The following NRG2 variants were observed in gnomAD, a reference collection of about 807,000 sequenced individuals.
The protein encoded by NRG2 is neuregulin 2.
In NRG2, 27 loss-of-function variants were observed where a neutral mutation model predicts 73.9. The ratio of observed to expected loss-of-function variants is 0.37; its 90% confidence interval spans 0.27 to 0.50. NRG2 has a LOEUF of 0.50. Ranked by LOEUF, NRG2 falls within the 20% of genes least tolerant of loss-of-function variation. The probability of loss-of-function intolerance (pLI) is 0.96; values close to 1 mark genes in which losing one functional copy is unlikely to be tolerated. For missense variants in NRG2, 1,126 were observed against 1,210.1 expected, an observed-to-expected ratio of 0.93 and a Z score of 1.03; for synonymous variants, 532 against 541.0, an observed-to-expected ratio of 0.98 and a Z score of 0.23.
In NRG2 at chr5:139,846,913, TTGACAAATTAGCAGTGGACCCAG is replaced by T. The variant is rs1171043172; in HGVS notation, c.*981_*1003del. The stretch of plus-strand genomic sequence containing the variant: ...TTTTTTTTTTTAAACAATTACCTTT[TTGACAAATTAGCAGTGGACCCAG>T]TTTTTGGGGGTGGGAGGGCAGGACT... On this transcript the variant is annotated 3_prime_UTR_variant, in exon 10 of 10. Coordinates refer to ENST00000361474, the MANE Select transcript of NRG2 (RefSeq NM_004883.3). 6.6e-6 allele frequency: 1 copy of T among 152,110 alleles called. No individual in the cohort carries two copies. Among genetic ancestry groups the T allele is most frequent in the African/African-American group, 2.4e-5 (1 of 41,410 alleles). The allele number at this position is 152,110 out of a possible 1,614,324, so 9.4% of individuals were successfully genotyped here.
intron 1 of NRG2, among the ~76,000 whole-genome samples, chr5:139,981,353 C>A (rs1311061111): frequency 6.6e-6 from 1 of 152,220 alleles, no homozygotes; most frequent in Non-Finnish European, 1.5e-5. Context: ...AGCCCACTCA[C>A]CCCACATGGC....
In NRG2 at chr5:140,042,917, G is replaced by A; in HGVS notation, c.153C>T (p.Ser51=). ...SESGSSSRSS[S]NNSSISRPAA... is the part of the protein sequence containing the mutation. The stretch of plus-strand genomic sequence containing the variant: ...CGGGACGAGAGATGCTGCTGTTGTT[G>A]CTGCTGCTCCTGCTGCTGCTGCCGC... Residue 51 remains serine, a synonymous_variant, in exon 1 of 10, where the codon AGC becomes AGT. Coordinates refer to ENST00000361474, the MANE Select transcript of NRG2 (RefSeq NM_004883.3). 1 of 1,539,280 alleles carries A rather than the reference G, an allele frequency of 6.5e-7. No homozygotes were observed.
At chr5:139,882,781 C>T (rs895397436) in intron 2 of NRG2, among the ~76,000 whole-genome samples, 2 of 152,078 alleles carry the variant, frequency 1.3e-5, no homozygotes, top group Non-Finnish European at 2.9e-5. Flanking sequence ...AGAGGCGCTT[C>T]CCTTATACAG....
intron 1 of NRG2, among the ~76,000 whole-genome samples, chr5:139,921,127 T>G (rs1014028713): frequency 3.9e-5 from 6 of 152,228 alleles, no homozygotes; most frequent in Admixed American, 6.5e-5. Flanking sequence ...ATATTCCATG[T>G]TCATAGACGC....
At position 139,954,388 on chromosome 5, in the gene NRG2, G is replaced by A. The variant is rs71581520; in HGVS notation, c.701-66877C>T. Among the ~76,000 whole-genome samples the A allele has an allele frequency of 0.14, 20,602 of 152,072 alleles. 1,497 individuals are homozygous for A. Among genetic ancestry groups the A allele is most frequent in the South Asian group, 0.25 (1,220 of 4,816 alleles). ...AAAAGGAAGAATGAAATGACTGGAG[G>A]GGCAGGAAGGGAGGGAAATTGTGCC... On this transcript the variant is annotated intron_variant, in intron 1 of 9. Coordinates refer to ENST00000361474, the MANE Select transcript of NRG2 (RefSeq NM_004883.3). This position sits in a 1 kb window ranked among gnomAD's most constrained non-coding sequence, Gnocchi z 5.0.
intron 1 of NRG2, among the ~76,000 whole-genome samples, chr5:139,900,098 T>C (rs548544304): frequency 6.6e-6 from 1 of 152,312 alleles, no homozygotes; most frequent in East Asian, 1.9e-4. Flanking sequence ...CTTTCCCTGG[T>C]AAGTTCCTAT....
chr5:139,895,051 G>A (rs1197407793), intron 1 of NRG2, among the ~76,000 whole-genome samples: 1 of 152,202 alleles, frequency 6.6e-6, no homozygotes, highest in Non-Finnish European at 1.5e-5. Flanking sequence ...GCAGCATGAA[G>A]ACCAACAGAA....
Position 139,846,967 on chromosome 5 carries a change from C to G in NRG2, c.*950G>C, listed in dbSNP as rs1761038756. The G allele has an allele frequency of 1.3e-5, 2 of 151,176 alleles. No individual in the cohort carries two copies. Among genetic ancestry groups the G allele is most frequent in the Non-Finnish European group, 2.9e-5 (2 of 67,916 alleles). The allele number at this position is 151,176 out of a possible 1,614,324, so 9.4% of individuals were successfully genotyped here. A position where few individuals can be genotyped will look rare whatever the true frequency, so the allele number is the denominator to read the frequency against. Reference sequence around the variant, plus strand: ...GGGGGTGGGAGGGCAGGACTGGAGACGAGTGGATGTCATAGGTGGGTTGGG... The same window carrying G: ...GGGGGTGGGAGGGCAGGACTGGAGAGGAGTGGATGTCATAGGTGGGTTGGG... On this transcript the variant is annotated 3_prime_UTR_variant, in exon 10 of 10. Coordinates refer to ENST00000361474, the MANE Select transcript of NRG2 (RefSeq NM_004883.3).
intron 1 of NRG2, among the ~76,000 whole-genome samples, chr5:139,989,897 T>C (rs1201966483): frequency 6.6e-6 from 1 of 151,552 alleles, no homozygotes; most frequent in Non-Finnish European, 1.5e-5. Context: ...CATGCCATTC[T>C]CCTGCCTCAG....
intron 1 of NRG2, among the ~76,000 whole-genome samples, chr5:139,893,590 GT>G (rs750252033): frequency 1.3e-5 from 2 of 152,176 alleles, no homozygotes; most frequent in Non-Finnish European, 2.9e-5. Flanking sequence ...GCCTACACAG[GT>G]TTTTGGGTAT....
intron 1 of NRG2, among the ~76,000 whole-genome samples, chr5:139,905,193 G>A (rs1440633056): frequency 1.3e-5 from 2 of 152,164 alleles, no homozygotes; most frequent in African/African-American, 4.8e-5. Flanking sequence ...GGCCTGCGGA[G>A]GTGAACTCAG....
At chr5:139,959,156 G>C (rs919112585) in intron 1 of NRG2, among the ~76,000 whole-genome samples, 8 of 152,214 alleles carry the variant, frequency 5.3e-5, no homozygotes, top group African/African-American at 1.7e-4. Context: ...TGTTGGCCTT[G>C]AGACAGAGAA....
intron 9 of NRG2, among the ~76,000 whole-genome samples, 182 bp from the exon 10 acceptor site, chr5:139,848,879 C>T (rs745315281): frequency 6.6e-6 from 1 of 152,178 alleles, no homozygotes; most frequent in Non-Finnish European, 1.5e-5. Flanking sequence ...TAAACCTCTC[C>T]GAGCCTCGGT....
intron 1 of NRG2, among the ~76,000 whole-genome samples, chr5:139,990,003 TG>T (rs1228470993): frequency 6.6e-6 from 1 of 151,454 alleles, no homozygotes; most frequent in Non-Finnish European, 1.5e-5. Context: ...TTAGCCAGGA[TG>T]GTCTTGATCT....
intron 1 of NRG2, among the ~76,000 whole-genome samples, chr5:139,953,135 G>A (rs554968664): frequency 1.3e-5 from 2 of 152,332 alleles, no homozygotes; most frequent in Middle Eastern, 6.8e-3. Context: ...GAGGGAGTAT[G>A]GACTAGCACT....
chr5:139,857,317 A>G (rs765592801), intron 5 of NRG2, among the ~76,000 whole-genome samples: 1 of 152,082 alleles, frequency 6.6e-6, no homozygotes, highest in Non-Finnish European at 1.5e-5. Flanking sequence ...TATACCGTCT[A>G]TTTGCAGACT....
At chr5:139,889,483 C>T (rs1764074716) in intron 1 of NRG2, among the ~76,000 whole-genome samples, 2 of 152,148 alleles carry the variant, frequency 1.3e-5, no homozygotes, top group South Asian at 4.1e-4. Context: ...TTCCTTTGAC[C>T]TCCTTTCAGA....
intron 1 of NRG2, among the ~76,000 whole-genome samples, chr5:140,010,983 A>T (rs1268500861): frequency 6.6e-6 from 1 of 152,162 alleles, no homozygotes; most frequent in African/African-American, 2.4e-5. Context: ...TTTAGATTCC[A>T]GCTATAGAGG....
intron 1 of NRG2, among the ~76,000 whole-genome samples, chr5:139,941,649 T>A (rs2126428661): frequency 6.6e-6 from 1 of 152,328 alleles, no homozygotes; most frequent in East Asian, 1.9e-4. Context: ...TAGCTTGTCA[T>A]TACATTGCAG....
Sources: allele counts gnomAD v4.1 joint callset (sites outside exome capture counted in the v4.1 genomes callset), GRCh38; gene constraint gnomAD v4.1.1; non-coding constraint Gnocchi (gnomAD v3.1); transcripts MANE v1.5; gene names NCBI Gene and HGNC (gene_info 2026-07-23, HGNC 2026-07-21).